Variants in RORA observed in about 807,000 individuals in gnomAD.
RORA encodes the protein nuclear receptor ROR-alpha.
In RORA, 7 loss-of-function variants were observed where a neutral mutation model predicts 69.5. That is an observed-to-expected ratio of 0.10 (90% CI 0.06 to 0.19). The LOEUF (loss-of-function observed/expected upper bound fraction) is 0.19. RORA is among the 10% of genes least tolerant of loss of function. The probability of loss-of-function intolerance (pLI) is 1.00; values close to 1 mark genes in which losing one functional copy is unlikely to be tolerated. For synonymous variants in RORA, 261 were observed against 240.8 expected, an observed-to-expected ratio of 1.08 and a Z score of -0.78; for missense variants, 457 against 663.0, an observed-to-expected ratio of 0.69 and a Z score of 3.41.
chr15:60,936,404 G>A (rs1016269605), intron 1 of RORA, among the ~76,000 whole-genome samples: 5 of 152,204 alleles, frequency 3.3e-5, no homozygotes, highest in Non-Finnish European at 7.3e-5. Flanking sequence ...GCAGCACAGG[G>A]CACGTTTCCA....
At chr15:61,163,752 A>C (rs568059006) in intron 1 of RORA, among the ~76,000 whole-genome samples, 13 of 152,278 alleles carry the variant, frequency 8.5e-5, no homozygotes, top group African/African-American at 3.1e-4. Context: ...TCTCATCTCA[A>C]AACCATCACA....
chr15:60,508,680 G>C (rs1182584087), intron 5 of RORA, among the ~76,000 whole-genome samples: 1 of 152,172 alleles, frequency 6.6e-6, no homozygotes, highest in Admixed American at 6.5e-5. Flanking sequence ...TAGGAGTAGA[G>C]AAACTACAGC....
At chr15:60,836,774 C>T (rs2073121869) in intron 1 of RORA, among the ~76,000 whole-genome samples, 1 of 152,174 alleles carries the variant, frequency 6.6e-6, no homozygotes, top group African/African-American at 2.4e-5. Context: ...TAGCTCATGT[C>T]CATTAGTCAC....
At chr15:61,013,772 G>A (rs933845297) in intron 1 of RORA, among the ~76,000 whole-genome samples, 25 of 140,122 alleles carry the variant, frequency 1.8e-4, no homozygotes, top group Non-Finnish European at 2.6e-4. Context: ...GCCAAGAACT[G>A]GGTTGGCTTT....
intron 1 of RORA, among the ~76,000 whole-genome samples, chr15:60,736,041 G>T (rs2071493680): frequency 6.6e-6 from 1 of 152,136 alleles, no homozygotes; most frequent in South Asian, 2.1e-4. Flanking sequence ...CAACTTTAAG[G>T]CGTCATCTAG....
intron 1 of RORA, among the ~76,000 whole-genome samples, chr15:61,186,956 G>C (rs1045473165): frequency 6.6e-6 from 1 of 152,186 alleles, no homozygotes; most frequent in Non-Finnish European, 1.5e-5. Flanking sequence ...TCCCAATCTT[G>C]GAGGCAGCTG....
chr15:61,210,199 A>C (rs1389983370), intron 1 of RORA, among the ~76,000 whole-genome samples: 1 of 152,240 alleles, frequency 6.6e-6, no homozygotes, highest in Admixed American at 6.5e-5. Flanking sequence ...CATGTGCAGA[A>C]GCTCAGAATT....
chr15:60,500,059 C>T (rs2065283105), intron 9 of RORA, 55 bp from the exon 10 acceptor site: 2 of 1,101,896 alleles, frequency 1.8e-6, no homozygotes, highest in Admixed American at 4.0e-5. Flanking sequence ...TGTCAGGATC[C>T]TTCTTCTCCG....
rs1566969580 is a variant in RORA, at chr15:61,061,359, A to AAAT, written c.166+167691_166+167693dup. On this transcript the variant is annotated intron_variant, in intron 1 of 10. Coordinates refer to ENST00000335670, the MANE Select transcript of RORA (RefSeq NM_134261.3). This position sits in a 1 kb window ranked among gnomAD's most constrained non-coding sequence, Gnocchi z 4.4. ...AGAGCGAGGCTCTATCTTAAAAAAT[A>AAAT]AATAAATAAATAAATAAATAAATAA... Among the ~76,000 whole-genome samples, 2 of 129,572 alleles carry AAAT rather than the reference A, an allele frequency of 1.5e-5. No homozygotes were observed. The highest frequency in any genetic ancestry group is 3.2e-5 in the Non-Finnish European group (2 of 62,390). The allele number at this position is 129,572 out of a possible 152,430, so 85.0% of individuals were successfully genotyped here. A position where few individuals can be genotyped will look rare whatever the true frequency, so the allele number is the denominator to read the frequency against.
chr15:60,821,411 T>G (rs1197768289), intron 1 of RORA, among the ~76,000 whole-genome samples: 1 of 152,158 alleles, frequency 6.6e-6, no homozygotes, highest in African/African-American at 2.4e-5. Context: ...CCTTAAGTCC[T>G]CCAGAAGGTA....
At chr15:60,560,983 AC>A (rs1352430457) in intron 2 of RORA, among the ~76,000 whole-genome samples, 1 of 151,974 alleles carries the variant, frequency 6.6e-6, no homozygotes, top group Admixed American at 6.5e-5. Context: ...CTGTACTCCC[AC>A]ATGAGCACAC....
At chr15:60,967,061 A>G (rs371952284) in intron 1 of RORA, among the ~76,000 whole-genome samples, 2 of 152,344 alleles carry the variant, frequency 1.3e-5, no homozygotes, top group Admixed American at 6.5e-5. Context: ...CCAACTCCCT[A>G]TCTTCTACAG....
intron 1 of RORA, among the ~76,000 whole-genome samples, chr15:60,968,256 C>A (rs1239389717): frequency 2.0e-5 from 3 of 152,130 alleles, no homozygotes; most frequent in Non-Finnish European, 4.4e-5. Flanking sequence ...TCTGGAAGGG[C>A]ACTTGGGAGC....
chr15:60,707,483 C>T (rs1056933944), intron 1 of RORA, among the ~76,000 whole-genome samples: 2 of 151,946 alleles, frequency 1.3e-5, no homozygotes, highest in African/African-American at 4.8e-5. Context: ...CCTGCCTCAG[C>T]CTCCCGAGTA....
chr15:61,175,837 G>T (rs1430776234), intron 1 of RORA, among the ~76,000 whole-genome samples: 4 of 152,112 alleles, frequency 2.6e-5, no homozygotes, highest in Non-Finnish European at 5.9e-5. Flanking sequence ...CTCTGAGTTG[G>T]GCTTGTCTTC....
At chr15:60,946,728 C>G (rs906992859) in intron 1 of RORA, among the ~76,000 whole-genome samples, 1 of 151,540 alleles carries the variant, frequency 6.6e-6, no homozygotes, top group Non-Finnish European at 1.5e-5. Context: ...CCTGGCTGCC[C>G]ATCGTCTGGG....
intron 1 of RORA, among the ~76,000 whole-genome samples, chr15:61,103,422 A>G (rs1341972327): frequency 2.0e-5 from 3 of 152,194 alleles, no homozygotes; most frequent in African/African-American, 7.2e-5. Flanking sequence ...TCCACTTTCC[A>G]GAAATAATCC....
At chr15:60,539,388 C>T (rs574068365) in intron 2 of RORA, among the ~76,000 whole-genome samples, 1 of 152,246 alleles carries the variant, frequency 6.6e-6, no homozygotes, top group South Asian at 2.1e-4. Flanking sequence ...TGCTAAAAGC[C>T]AAATCCAAAT....
chr15:61,091,236 CCTCT>C (rs1488823807), intron 1 of RORA, among the ~76,000 whole-genome samples: 2 of 152,088 alleles, frequency 1.3e-5, no homozygotes, highest in African/African-American at 4.8e-5. Context: ...AAAATAAGCC[CCTCT>C]AAGAAGGCTG....
Sources: allele counts gnomAD v4.1 joint callset (sites outside exome capture counted in the v4.1 genomes callset), GRCh38; gene constraint gnomAD v4.1.1; non-coding constraint Gnocchi (gnomAD v3.1); transcripts MANE v1.5; gene names NCBI Gene and HGNC (gene_info 2026-07-23, HGNC 2026-07-21).